Variants in RANBP17 observed in about 807,000 individuals in gnomAD.
The protein encoded by RANBP17 is RAN binding protein 17, also known as ran-binding protein 17.
RANBP17 carries 158 observed loss-of-function variants against 141.2 expected under a neutral mutation model. That is an observed-to-expected ratio of 1.12 (90% CI 0.98 to 1.28). RANBP17 has a LOEUF of 1.28. RANBP17 is among the 50% of genes most tolerant of loss of function. The pLI, the probability that RANBP17 is intolerant of heterozygous loss-of-function variation, is 0.00. For missense variants in RANBP17, 1,438 were observed against 1,290.7 expected (o/e 1.11, Z -1.75); for synonymous variants, 430 against 450.0 (o/e 0.96, Z 0.56).
At chr5:170,963,694 A>G (rs895884232) in intron 13 of RANBP17, among the ~76,000 whole-genome samples, 7 of 152,206 alleles carry the variant, frequency 4.6e-5, no homozygotes, top group Admixed American at 2.6e-4. Flanking sequence ...CTGATCTGAC[A>G]GGAGGCGGAG....
At chr5:171,152,151 G>T (rs779006159) in intron 14 of RANBP17, among the ~76,000 whole-genome samples, 3 of 151,794 alleles carry the variant, frequency 2.0e-5, no homozygotes, top group African/African-American at 4.8e-5. Flanking sequence ...GCTCACTCAC[G>T]CCTGTAATCC....
intron 22 of RANBP17, among the ~76,000 whole-genome samples, chr5:171,232,700 T>C (rs1290476783): frequency 6.6e-6 from 1 of 152,204 alleles, no homozygotes; most frequent in African/African-American, 2.4e-5. Context: ...TGTGTACATA[T>C]ACACATATTT....
At chr5:171,150,071 T>A (rs927412996) in intron 14 of RANBP17, among the ~76,000 whole-genome samples, 2 of 152,206 alleles carry the variant, frequency 1.3e-5, no homozygotes, top group Admixed American at 6.5e-5. Context: ...GTATTCAGAT[T>A]GTCTGAACCA....
intron 14 of RANBP17, among the ~76,000 whole-genome samples, chr5:171,057,622 C>T (rs527993880): frequency 2.6e-5 from 4 of 151,268 alleles, no homozygotes; most frequent in African/African-American, 7.3e-5. Context: ...TTAGTCTGTT[C>T]TCAACTGTGA....
intron 14 of RANBP17, among the ~76,000 whole-genome samples, chr5:171,085,261 T>C (rs1035304058): frequency 1.1e-3 from 152 of 144,068 alleles, no homozygotes; most frequent in Non-Finnish European, 1.8e-3. Flanking sequence ...TTGTCAAAGA[T>C]CAGATAGTTG....
chr5:170,942,419 A>T (rs1171852490), intron 12 of RANBP17, among the ~76,000 whole-genome samples: 5 of 152,216 alleles, frequency 3.3e-5, no homozygotes, highest in African/African-American at 1.2e-4. Context: ...ACAATATTAT[A>T]TAAAAAAATG....
intron 23 of RANBP17, among the ~76,000 whole-genome samples, chr5:171,242,129 A>G (rs2127997182): frequency 6.6e-6 from 1 of 151,808 alleles, no homozygotes; most frequent in Non-Finnish European, 1.5e-5. Context: ...CAGCTTCTCT[A>G]ATTTATCTTA....
intron 14 of RANBP17, among the ~76,000 whole-genome samples, chr5:171,145,798 A>G (rs753849800): frequency 2.6e-5 from 4 of 152,164 alleles, no homozygotes; most frequent in African/African-American, 4.8e-5. Context: ...TAGTGTTTCT[A>G]TGAAGTCGTG....
chr5:171,164,690 A>C (rs532323338), intron 14 of RANBP17, among the ~76,000 whole-genome samples: 8 of 152,346 alleles, frequency 5.3e-5, no homozygotes, highest in African/African-American at 1.9e-4. Context: ...AATTCCTTAC[A>C]TTTCTAATCA....
intron 1 of RANBP17, among the ~76,000 whole-genome samples, chr5:170,865,222 C>T (rs1767143681): frequency 6.6e-6 from 1 of 152,010 alleles, no homozygotes; most frequent in African/African-American, 2.4e-5. Flanking sequence ...GCCACCATGC[C>T]CTGCTAATTT....
rs1765634482 is a variant in RANBP17 at position 171,252,458 on chromosome 5, T to C, written c.2776+9638T>C. On this transcript the variant is annotated intron_variant, in intron 24 of 27. Transcript: ENST00000523189. ...CAAAATACATCAATTACTCACTGCTTAAGGGCTTTCAGCAACACAGAAACC... is the reference window on the plus strand; with the variant it reads ...CAAAATACATCAATTACTCACTGCTCAAGGGCTTTCAGCAACACAGAAACC... 3.4e-6 allele frequency: 5 copies of C among 1,489,148 alleles called. No individual in the cohort carries two copies. The South Asian group carries it at 3.4e-5, about 10-fold the overall frequency. 92.2% of individuals were successfully genotyped at this position (1,489,148 alleles called of 1,614,324 possible).
intron 14 of RANBP17, among the ~76,000 whole-genome samples, chr5:171,126,037 T>C (rs1581690391): frequency 6.6e-6 from 1 of 152,106 alleles, no homozygotes; most frequent in Non-Finnish European, 1.5e-5. Context: ...CCGCCCGCCT[T>C]GGCCTCCCAA....
At position 170,875,318 on chromosome 5, in the gene RANBP17, G is replaced by A. The variant is rs138316334; in HGVS notation, c.19-2779G>A. ...ATGATTATGTGTCTTGGGGTTGATC[G>A]TCTTACTGAGGTTCTCTGTATTTCC... is the stretch of plus-strand genomic sequence containing the variant. On this transcript the variant is annotated intron_variant, in intron 1 of 27. Coordinates refer to ENST00000523189, the MANE Select transcript of RANBP17 (RefSeq NM_022897.5). Among the ~76,000 whole-genome samples, 40 of 150,884 alleles carry A rather than the reference G, an allele frequency of 2.7e-4. No individual in the cohort carries two copies. The East Asian group carries it at 7.4e-3, about 28-fold the overall frequency.
chr5:171,088,764 A>C lies in RANBP17; in HGVS notation c.1711-81366A>C, dbSNP rs562393138. 4.8e-3 allele frequency among the ~76,000 whole-genome samples: 724 copies of C among 152,128 alleles called. 5 individuals carry two copies. The highest frequency in any genetic ancestry group is 0.017 in the African/African-American group (702 of 41,492). ...TTCCAGTTGATCGCATCGGCTCCTG[A>C]GGCTTCTGCATTCTTCACGTAGTTC... On this transcript the variant is annotated intron_variant, in intron 14 of 27. Coordinates refer to ENST00000523189, the MANE Select transcript of RANBP17 (RefSeq NM_022897.5).
At chr5:170,879,400 G>A (rs1057299175) in intron 2 of RANBP17, among the ~76,000 whole-genome samples, 2 of 152,178 alleles carry the variant, frequency 1.3e-5, no homozygotes, top group African/African-American at 4.8e-5. Context: ...CTTTACATTT[G>A]CATCAAGATC....
intron 20 of RANBP17, among the ~76,000 whole-genome samples, chr5:171,210,845 A>C (rs1762836380): frequency 6.6e-6 from 1 of 151,572 alleles, no homozygotes; most frequent in South Asian, 2.1e-4. Flanking sequence ...TCTCTACTAA[A>C]AATAGAAATA....
intron 14 of RANBP17, among the ~76,000 whole-genome samples, chr5:171,147,864 C>T (rs1758174512): frequency 2.0e-5 from 3 of 152,170 alleles, no homozygotes; most frequent in Non-Finnish European, 2.9e-5. Context: ...CCCCTCTGCC[C>T]GGCCACCACC....
At chr5:171,180,028 G>GTC (rs1244783312) in intron 16 of RANBP17, among the ~76,000 whole-genome samples, 1 of 152,120 alleles carries the variant, frequency 6.6e-6, no homozygotes, top group African/African-American at 2.4e-5. Context: ...CAATAAGACT[G>GTC]TCTTCACCCT....
At chr5:171,051,362 T>G (rs1432325696) in intron 14 of RANBP17, among the ~76,000 whole-genome samples, 2 of 152,180 alleles carry the variant, frequency 1.3e-5, no homozygotes, top group Non-Finnish European at 2.9e-5. Flanking sequence ...AGAGAAATAC[T>G]TTGTACCTAT....
Sources: gnomAD v4.1 joint callset for allele counts (sites outside exome capture counted in the v4.1 genomes callset) on GRCh38, gnomAD v4.1.1 for gene constraint, MANE v1.5 for transcripts, NCBI Gene and HGNC (gene_info 2026-07-23, HGNC 2026-07-21) for gene names.